The following FMN2 variants were observed in gnomAD, a reference collection of about 807,000 sequenced individuals.
FMN2 encodes formin-2.
FMN2 carries 51 observed loss-of-function variants against 142.3 expected under a neutral mutation model. The observed-to-expected ratio is 0.36, with a 90% CI of 0.29 to 0.45. The LOEUF (loss-of-function observed/expected upper bound fraction) is 0.45, where lower values mean the gene tolerates loss of function less well. Among genes scored for constraint, FMN2 ranks in the 20% least tolerant of loss-of-function variants. The pLI, the probability that FMN2 is intolerant of heterozygous loss-of-function variation, is 1.00. For missense variants in FMN2, 1,936 were observed against 2,122.8 expected, an observed-to-expected ratio of 0.91 and a Z score of 1.73; for synonymous variants, 882 against 869.8, an observed-to-expected ratio of 1.01 and a Z score of -0.25.
At position 240,131,051 on chromosome 1, in the gene FMN2, T is replaced by TG. The variant is rs553714084; in HGVS notation, c.1782+7709dup. Among the ~76,000 whole-genome samples, 590 of 152,278 alleles carry TG rather than the reference T, an allele frequency of 3.9e-3. 7 individuals are homozygous for TG. The highest frequency in any genetic ancestry group is 0.013 in the African/African-American group (548 of 41,560). On this transcript the variant is annotated intron_variant, in intron 2 of 17. Coordinates refer to ENST00000319653, the MANE Select transcript of FMN2 (RefSeq NM_020066.5). ...AATTATTGGAGCTTAGTGGTTGAAG[T>TG]GGGCTCCACAGTCAAAGTGTCCAGG...
At chr1:240,390,579 A>G (rs906691076) in intron 14 of FMN2, among the ~76,000 whole-genome samples, 4 of 152,214 alleles carry the variant, frequency 2.6e-5, no homozygotes, top group African/African-American at 2.4e-5. Flanking sequence ...TTATTAGTTG[A>G]CTTACTCAGT....
chr1:240,364,129 C>T (rs1672584957), intron 14 of FMN2, among the ~76,000 whole-genome samples: 1 of 152,116 alleles, frequency 6.6e-6, no homozygotes, highest in African/African-American at 2.4e-5. Flanking sequence ...CATTATTATC[C>T]TCATTTTACG....
At chr1:240,377,981 AT>A (rs1037369087) in intron 14 of FMN2, among the ~76,000 whole-genome samples, 4 of 152,088 alleles carry the variant, frequency 2.6e-5, no homozygotes, top group Non-Finnish European at 4.4e-5. Flanking sequence ...GGGAATTTAT[AT>A]TTTTGTTACT....
chr1:240,229,509 G>A (rs6689960), intron 6 of FMN2, among the ~76,000 whole-genome samples: 51,137 of 151,958 alleles, frequency 0.34, 9,155 homozygotes, highest in Non-Finnish European at 0.39. Context: ...GAAGAGTCAG[G>A]ACTTAATATG....
rs932837418 is a variant in FMN2, at chr1:240,433,990, GCAGGTAC to G, written c.4911-4069_4911-4063del. Reference sequence around the variant, plus strand: ...TCTGTAGCTATCATTTTAGAGCTCTGCAGGTACCTCGATTCCATTGCAGAGAAGTATA... The same window carrying G: ...TCTGTAGCTATCATTTTAGAGCTCTGCTCGATTCCATTGCAGAGAAGTATA... On this transcript the variant is annotated intron_variant, in intron 15 of 17. Transcript: ENST00000319653. Among the ~76,000 whole-genome samples the G allele has an allele frequency of 9.2e-5, 14 of 152,250 alleles. No individual in the cohort carries two copies. In the East Asian group the frequency reaches 2.5e-3, roughly 27 times the overall value.
intron 7 of FMN2, among the ~76,000 whole-genome samples, chr1:240,281,428 T>G (rs931101786): frequency 6.6e-6 from 1 of 152,168 alleles, no homozygotes; most frequent in Non-Finnish European, 1.5e-5. Flanking sequence ...GATAACAAGG[T>G]GTAAACTCTA....
intron 15 of FMN2, among the ~76,000 whole-genome samples, chr1:240,435,355 G>A (rs1480738395): frequency 6.6e-6 from 1 of 151,004 alleles, no homozygotes; most frequent in African/African-American, 2.4e-5. Context: ...ATTATCACTA[G>A]TATCAGAAGC....
In FMN2 at chr1:240,367,767, C is replaced by CAAAA. The variant is rs60368715; in HGVS notation, c.4858+11880_4858+11883dup. The stretch of plus-strand genomic sequence containing the variant: ...TGGGTGACAGAGCGAGACTCAGTCT[C>CAAAA]AAAAAAAAAAAAAAAAAAAAAAAAG... On this transcript the variant is annotated intron_variant, in intron 14 of 17. Transcript: ENST00000319653. 2.8e-4 allele frequency among the ~76,000 whole-genome samples: 15 copies of CAAAA among 54,030 alleles called. 1 individual carries two copies. In the South Asian group the frequency reaches 3.1e-3, roughly 11 times the overall value. The allele number at this position is 54,030 out of a possible 152,430, so 35.4% of individuals were successfully genotyped here.
chr1:240,214,576 A>G lies in FMN2; in HGVS notation c.4065+3341A>G, dbSNP rs187357317. Reference sequence around the variant, plus strand: ...AAAAAAAAAAAAAAAAGAAAAAGAAAAAGAAAAAGTGATCTCTTATGATGT... The same window carrying G: ...AAAAAAAAAAAAAAAAGAAAAAGAAGAAGAAAAAGTGATCTCTTATGATGT... On this transcript the variant is annotated intron_variant, in intron 6 of 17. Transcript: ENST00000319653. Among the ~76,000 whole-genome samples, 755 of 151,950 alleles carry G rather than the reference A, an allele frequency of 5.0e-3. 2 individuals are homozygous for G. The highest frequency in any genetic ancestry group is 8.1e-3 in the Non-Finnish European group (551 of 67,940).
chr1:240,456,942 T>C (rs68091741), intron 16 of FMN2, among the ~76,000 whole-genome samples: 9,854 of 152,284 alleles, frequency 0.065, 410 homozygotes, highest in Middle Eastern at 0.14. Context: ...GCTATGAAGA[T>C]TCTACCAGGT....
intron 4 of FMN2, among the ~76,000 whole-genome samples, chr1:240,202,887 T>C (rs1047955128): frequency 1.3e-5 from 2 of 152,240 alleles, no homozygotes; most frequent in African/African-American, 2.4e-5. Context: ...ATTTACAAAC[T>C]GAGTTTTGGA....
At chr1:240,206,007 G>A (rs1198899517) in intron 4 of FMN2, among the ~76,000 whole-genome samples, 3 of 148,470 alleles carry the variant, frequency 2.0e-5, no homozygotes, top group African/African-American at 5.0e-5. Context: ...GGCTCAAGCT[G>A]TCCTTCCGCC....
intron 4 of FMN2, among the ~76,000 whole-genome samples, chr1:240,201,675 T>C (rs1272611678): frequency 6.6e-6 from 1 of 152,206 alleles, no homozygotes; most frequent in East Asian, 1.9e-4. Flanking sequence ...ATGATAAAAA[T>C]TGTTTTAAAT....
rs71567282 is a variant in FMN2, at chr1:240,241,825, C to CTTTTTTTTTTT, written c.4066-16101_4066-16091dup. On this transcript the variant is annotated intron_variant, in intron 6 of 17. Coordinates refer to ENST00000319653, the MANE Select transcript of FMN2 (RefSeq NM_020066.5). ...ATTTTCTTTATTTTAGTGTGCCTTG[C>CTTTTTTTTTTT]TTTTTTTTTTTTTTTTTTTTTTTTT... 2.3e-4 allele frequency among the ~76,000 whole-genome samples: 22 copies of CTTTTTTTTTTT among 96,222 alleles called. 1 individual carries two copies. Among genetic ancestry groups the CTTTTTTTTTTT allele is most frequent in the African/African-American group, 7.6e-4 (20 of 26,316 alleles). The allele number at this position is 96,222 out of a possible 152,430, so 63.1% of individuals were successfully genotyped here. A position where few individuals can be genotyped will look rare whatever the true frequency, so the allele number is the denominator to read the frequency against.
intron 6 of FMN2, among the ~76,000 whole-genome samples, chr1:240,214,492 AGT>A (rs1399729837): frequency 6.6e-6 from 1 of 150,808 alleles, no homozygotes; most frequent in Non-Finnish European, 1.5e-5. Context: ...CAGAGGTTGC[AGT>A]GAGCCGAGAT....
At chr1:240,293,513 C>G (rs1027217195) in intron 7 of FMN2, among the ~76,000 whole-genome samples, 3 of 152,092 alleles carry the variant, frequency 2.0e-5, no homozygotes, top group Admixed American at 1.3e-4. Flanking sequence ...CCTTTTCTTA[C>G]ATATTATCAC....
chr1:240,361,351 G>A (rs1672476057), intron 14 of FMN2, among the ~76,000 whole-genome samples: 1 of 151,770 alleles, frequency 6.6e-6, no homozygotes, highest in South Asian at 2.1e-4. Flanking sequence ...TGCTCTTGGG[G>A]AGCAACAGTT....
At chr1:240,467,393 G>A (rs868338695) in intron 16 of FMN2, among the ~76,000 whole-genome samples, 2 of 151,462 alleles carry the variant, frequency 1.3e-5, no homozygotes, top group African/African-American at 4.9e-5. Context: ...TCCAGCCTCC[G>A]GGTAGCTGGG....
At position 240,473,036 on chromosome 1, in the gene FMN2, G is replaced by A. The variant is rs981601532; in HGVS notation, c.5142+583G>A. On this transcript the variant is annotated intron_variant, in intron 17 of 17. Coordinates refer to ENST00000319653, the MANE Select transcript of FMN2 (RefSeq NM_020066.5). The surrounding 1 kb of genome is among the most constrained non-coding windows in gnomAD (Gnocchi z 4.3). ...TGTGCATGTTGGCAGGGGCAGGGTG[G>A]GGAGACCATCTTTCACTTTCTTTGT... Among the ~76,000 whole-genome samples, 12 of 152,100 alleles carry A rather than the reference G, an allele frequency of 7.9e-5. No individual in the cohort carries two copies. Among genetic ancestry groups the A allele is most frequent in the African/African-American group, 2.9e-4 (12 of 41,414 alleles).
Sources: allele counts gnomAD v4.1 joint callset (sites outside exome capture counted in the v4.1 genomes callset), GRCh38; gene constraint gnomAD v4.1.1; non-coding constraint Gnocchi (gnomAD v3.1); transcripts MANE v1.5; gene names NCBI Gene and HGNC (gene_info 2026-07-23, HGNC 2026-07-21).